ANKS1B: variants seen among roughly 807,000 people sequenced by gnomAD.
ANKS1B encodes ankyrin repeat and sterile alpha motif domain-containing protein 1B.
A neutral mutation model predicts 148.3 loss-of-function variants in ANKS1B; 36 were observed. That is an observed-to-expected ratio of 0.24 (90% CI 0.19 to 0.32). The LOEUF (loss-of-function observed/expected upper bound fraction) is 0.32, where lower values mean the gene tolerates loss of function less well. Among genes scored for constraint, ANKS1B ranks in the 10% least tolerant of loss-of-function variants. The pLI, the probability that ANKS1B is intolerant of heterozygous loss-of-function variation, is 1.00. For synonymous variants in ANKS1B, 542 were observed against 560.8 expected, an observed-to-expected ratio of 0.97 and a Z score of 0.47; for missense variants, 1,157 against 1,542.6, an observed-to-expected ratio of 0.75 and a Z score of 4.19.
chr12:99,854,000 T>G (rs1167099404), intron 1 of ANKS1B, among the ~76,000 whole-genome samples: 1 of 152,124 alleles, frequency 6.6e-6, no homozygotes, highest in Non-Finnish European at 1.5e-5. Context: ...ACAAGTTTTT[T>G]GTTTGTTTGT....
chr12:98,878,598 C>T (rs537248514), intron 17 of ANKS1B, among the ~76,000 whole-genome samples: 4 of 152,164 alleles, frequency 2.6e-5, no homozygotes, highest in East Asian at 3.9e-4. Context: ...AGGTAATAAA[C>T]GTGTGGGGAA....
At chr12:99,794,822 T>C (rs2066054395) in intron 4 of ANKS1B, among the ~76,000 whole-genome samples, 2 of 151,932 alleles carry the variant, frequency 1.3e-5, no homozygotes, top group African/African-American at 2.4e-5. Flanking sequence ...AATAATTCAA[T>C]TGTACATTTA....
At chr12:99,904,464 T>G (rs187439547) in intron 1 of ANKS1B, among the ~76,000 whole-genome samples, 36 of 152,286 alleles carry the variant, frequency 2.4e-4, no homozygotes, top group African/African-American at 7.9e-4. Flanking sequence ...ACTGCTGGGA[T>G]TACAGACATG....
chr12:99,385,347 TA>T (rs1375314211), intron 12 of ANKS1B, among the ~76,000 whole-genome samples: 1 of 152,156 alleles, frequency 6.6e-6, no homozygotes, highest in Non-Finnish European at 1.5e-5. Flanking sequence ...CACGTGCCTG[TA>T]GTCCCAGCTA....
intron 25 of ANKS1B, among the ~76,000 whole-genome samples, chr12:98,758,290 C>A (rs1251244645): frequency 6.6e-6 from 1 of 152,194 alleles, no homozygotes; most frequent in Non-Finnish European, 1.5e-5. Context: ...AGCACCCAGA[C>A]AAACTGGGAT....
At chr12:99,207,217 C>A (rs1001485018) in intron 14 of ANKS1B, among the ~76,000 whole-genome samples, 1 of 152,094 alleles carries the variant, frequency 6.6e-6, no homozygotes, top group African/African-American at 2.4e-5. Flanking sequence ...TTCTGAACTA[C>A]TTTAATGGCT....
intron 9 of ANKS1B, among the ~76,000 whole-genome samples, chr12:99,586,030 C>T (rs1407165284): frequency 1.3e-5 from 2 of 152,136 alleles, no homozygotes; most frequent in Non-Finnish European, 1.5e-5. Flanking sequence ...CTGCAGCTGG[C>T]TTCAATTTCT....
intron 14 of ANKS1B, among the ~76,000 whole-genome samples, chr12:99,182,751 T>C (rs987187238): frequency 2.0e-5 from 3 of 152,170 alleles, no homozygotes; most frequent in African/African-American, 7.2e-5. Context: ...TTCTGCATAA[T>C]GGTGGTTCTA....
chr12:99,097,706 C>T (rs4762554), intron 15 of ANKS1B, among the ~76,000 whole-genome samples: 99,758 of 151,966 alleles, frequency 0.66, 32,982 homozygotes, highest in East Asian at 0.89. Flanking sequence ...GAAATGAGCA[C>T]GGGATTAGGA....
intron 9 of ANKS1B, among the ~76,000 whole-genome samples, chr12:99,601,902 C>T (rs1363181572): frequency 6.6e-6 from 1 of 151,990 alleles, no homozygotes; most frequent in African/African-American, 2.4e-5. Context: ...CGGACCCCTT[C>T]TGAAATGAGT....
chr12:98,934,144 A>G (rs1243282466), intron 17 of ANKS1B, among the ~76,000 whole-genome samples: 1 of 152,038 alleles, frequency 6.6e-6, no homozygotes, highest in Non-Finnish European at 1.5e-5. Context: ...CAGATCTTTA[A>G]ATGTAAAATA....
intron 17 of ANKS1B, among the ~76,000 whole-genome samples, chr12:98,873,596 G>T (rs190225151): frequency 7.3e-4 from 111 of 152,280 alleles, no homozygotes; most frequent in Non-Finnish European, 1.2e-3. Flanking sequence ...ACCTGAAAAG[G>T]TTATACCCTT....
chr12:99,449,697 G>A (rs2095694403), intron 10 of ANKS1B, among the ~76,000 whole-genome samples: 1 of 152,042 alleles, frequency 6.6e-6, no homozygotes, highest in Admixed American at 6.6e-5. Flanking sequence ...AAACCCAGAG[G>A]GAAAACAAGA....
chr12:98,901,146 G>A (rs149205438), intron 17 of ANKS1B, among the ~76,000 whole-genome samples: 1 of 152,260 alleles, frequency 6.6e-6, no homozygotes, highest in East Asian at 1.9e-4. Context: ...TAGGCATTAG[G>A]TAAATATTTA....
At chr12:99,365,433 C>T (rs147278202) in intron 12 of ANKS1B, among the ~76,000 whole-genome samples, 1 of 152,318 alleles carries the variant, frequency 6.6e-6, no homozygotes, top group Non-Finnish European at 1.5e-5. Context: ...GGCTGCTCTC[C>T]TGAAATCAAG....
At chr12:99,061,109 T>TA (rs995372773) in intron 16 of ANKS1B, among the ~76,000 whole-genome samples, 5 of 152,208 alleles carry the variant, frequency 3.3e-5, no homozygotes, top group African/African-American at 1.2e-4. Context: ...ATAATGGGGT[T>TA]AAATTGGGTT....
intron 1 of ANKS1B, among the ~76,000 whole-genome samples, chr12:99,851,013 T>A (rs186582777): frequency 1.6e-3 from 243 of 152,206 alleles, no homozygotes; most frequent in African/African-American, 5.5e-3. Flanking sequence ...TGTTTTCAAT[T>A]CTAAGCATAA....
At chr12:98,823,029 T>A (rs904693833) in intron 19 of ANKS1B, among the ~76,000 whole-genome samples, 3 of 152,230 alleles carry the variant, frequency 2.0e-5, no homozygotes, top group Non-Finnish European at 4.4e-5. Context: ...GAAAATTAAC[T>A]GACCATATTA....
intron 15 of ANKS1B, among the ~76,000 whole-genome samples, chr12:99,141,209 C>T (rs79924955): frequency 0.07 from 10,622 of 152,162 alleles, 1,145 homozygotes; most frequent in African/African-American, 0.23. Flanking sequence ...CTTTGCCCCA[C>T]AAGTCACCCT....
Sources: gnomAD v4.1 joint callset for allele counts (sites outside exome capture counted in the v4.1 genomes callset) on GRCh38, gnomAD v4.1.1 for gene constraint, MANE v1.5 for transcripts, NCBI Gene and HGNC (gene_info 2026-07-23, HGNC 2026-07-21) for gene names.